The following TET3 variants were observed in gnomAD, a reference collection of about 807,000 sequenced individuals.
TET3 encodes methylcytosine dioxygenase TET3.
TET3 carries 19 observed loss-of-function variants against 141.4 expected under a neutral mutation model. The observed-to-expected ratio is 0.13, with a 90% CI of 0.09 to 0.20. The LOEUF (loss-of-function observed/expected upper bound fraction) is 0.20, where lower values mean the gene tolerates loss of function less well. Ranked by LOEUF, TET3 falls within the 10% of genes least tolerant of loss-of-function variation. The probability of loss-of-function intolerance (pLI) is 1.00; values close to 1 mark genes in which losing one functional copy is unlikely to be tolerated. For synonymous variants in TET3, 1,043 were observed against 980.9 expected, an observed-to-expected ratio of 1.06 and a Z score of -1.18; for missense variants, 1,874 against 2,356.9, an observed-to-expected ratio of 0.80 and a Z score of 4.24.
intron 4 of TET3, among the ~76,000 whole-genome samples, chr2:74,071,867 C>T (rs34201525): frequency 6.6e-6 from 1 of 152,060 alleles, no homozygotes; most frequent in African/African-American, 2.4e-5. Flanking sequence ...TTTTCTTTCA[C>T]TTAGAAAAAC....
intron 10 of TET3, among the ~76,000 whole-genome samples, chr2:74,094,487 G>A (rs1243614590): frequency 6.6e-6 from 1 of 152,176 alleles, no homozygotes; most frequent in African/African-American, 2.4e-5. Context: ...CTTCTCAGCT[G>A]GGCAGCAGTA....
chr2:74,112,785 G>A (rs912508739), downstream of TET3, among the ~76,000 whole-genome samples: 5 of 151,894 alleles, frequency 3.3e-5, no homozygotes, highest in African/African-American at 1.2e-4. Context: ...GATGGATCAT[G>A]AGGTCAGAAG....
chr2:74,003,075 G>T (rs946621126), intron 2 of TET3, 35 bp from the exon 3 acceptor site: 3 of 1,550,326 alleles, frequency 1.9e-6, no homozygotes, highest in Non-Finnish European at 2.6e-6. Flanking sequence ...CCTGGTACCC[G>T]CCTGGCTCAC....
intron 3 of TET3, among the ~76,000 whole-genome samples, chr2:74,024,943 C>T (rs568157734): frequency 9.9e-5 from 15 of 152,092 alleles, no homozygotes; most frequent in South Asian, 4.2e-4. Context: ...GCAGGCCAGG[C>T]GCCGTGGTGG....
intron 4 of TET3, among the ~76,000 whole-genome samples, chr2:74,072,914 T>A (rs1173158091): frequency 6.6e-6 from 1 of 152,270 alleles, no homozygotes; most frequent in African/African-American, 2.4e-5. Context: ...TGTAATAGCA[T>A]GTATCAAAAC....
At chr2:74,015,805 C>T (rs779897412) in intron 3 of TET3, among the ~76,000 whole-genome samples, 1 of 152,058 alleles carries the variant, frequency 6.6e-6, no homozygotes, top group Non-Finnish European at 1.5e-5. Flanking sequence ...TAATATCTAT[C>T]AAATTTACCT....
intron 6 of TET3, among the ~76,000 whole-genome samples, chr2:74,086,886 C>T (rs372716884): frequency 1.3e-5 from 2 of 151,602 alleles, no homozygotes; most frequent in African/African-American, 2.4e-5. Context: ...AGTACATTCA[C>T]GTTGTTGTAC....
At chr2:73,990,589 A>G (rs768607503) in intron 2 of TET3, among the ~76,000 whole-genome samples, 1 of 152,214 alleles carries the variant, frequency 6.6e-6, no homozygotes, top group East Asian at 1.9e-4. Context: ...AAAAAAATGC[A>G]TAGAAAAATG....
chr2:74,123,598 G>A, the TET3 span, among the ~76,000 whole-genome samples: 4 of 152,172 alleles, frequency 2.6e-5, no homozygotes, highest in South Asian at 2.1e-4. Flanking sequence ...GCGTGATCTC[G>A]GCTCGCTACA....
At chr2:74,062,553 T>C (rs1688652971) in intron 4 of TET3, among the ~76,000 whole-genome samples, 1 of 152,212 alleles carries the variant, frequency 6.6e-6, no homozygotes, top group South Asian at 2.1e-4. Flanking sequence ...GGAGAAATTA[T>C]AGAGGTGCTA....
chr2:74,006,475 G>A (rs988082391), intron 3 of TET3, among the ~76,000 whole-genome samples: 7 of 152,218 alleles, frequency 4.6e-5, no homozygotes, highest in African/African-American at 1.4e-4. Flanking sequence ...GAGCCCTCCT[G>A]TCCACAGTGG....
chr2:74,110,925 T>C (rs1470264747), downstream of TET3, among the ~76,000 whole-genome samples: 7 of 152,182 alleles, frequency 4.6e-5, no homozygotes, highest in African/African-American at 9.7e-5. Flanking sequence ...CTGTGCCTCA[T>C]AGACCTTTCC....
chr2:74,106,413 A>G lies in TET3; in HGVS notation c.*4237A>G, dbSNP rs1353741152. ...GATAGGCATTCTCATAGCCAGGGAC[A>G]GATTTTCTCCTGCAGCCCAGGGTGC... On this transcript the variant is annotated 3_prime_UTR_variant, in exon 12 of 12. Transcript: ENST00000409262. The G allele has an allele frequency of 6.5e-6, 1 of 153,744 alleles. No individual in the cohort carries two copies. The highest frequency in any genetic ancestry group is 1.9e-4 in the East Asian group (1 of 5,192). The allele number at this position is 153,744 out of a possible 1,614,324, so 9.5% of individuals were successfully genotyped here. A position where few individuals can be genotyped will look rare whatever the true frequency, so the allele number is the denominator to read the frequency against.
At chr2:74,119,352 CA>C in the TET3 span, among the ~76,000 whole-genome samples, 40,671 of 107,474 alleles carry the variant, frequency 0.38, 7,353 homozygotes, top group African/African-American at 0.59. Context: ...GACTCTATCT[CA>C]AAAAAAAAAA....
intron 3 of TET3, among the ~76,000 whole-genome samples, chr2:74,042,099 G>A (rs1224664263): frequency 6.6e-6 from 1 of 152,190 alleles, no homozygotes; most frequent in Non-Finnish European, 1.5e-5. Flanking sequence ...CCTTCTCCCA[G>A]TTGATACACC....
At chr2:74,113,139 C>T (rs1390133097), downstream of TET3, among the ~76,000 whole-genome samples, 1 of 151,862 alleles carries the variant, frequency 6.6e-6, no homozygotes, top group Admixed American at 6.6e-5. Flanking sequence ...ACCTATAATC[C>T]CAGCACTTTG....
At chr2:74,045,064 C>T (rs540326715) in intron 3 of TET3, among the ~76,000 whole-genome samples, 4 of 152,322 alleles carry the variant, frequency 2.6e-5, no homozygotes, top group South Asian at 2.1e-4. Flanking sequence ...CTTTCTAGAA[C>T]GCCCTTCAAT....
chr2:74,110,473 A>G (rs1691674714), downstream of TET3, among the ~76,000 whole-genome samples: 1 of 152,130 alleles, frequency 6.6e-6, no homozygotes, highest in South Asian at 2.1e-4. Context: ...TGTCCATGGG[A>G]TGGTGCATCC....
At chr2:74,086,110 C>T (rs369810222) in intron 6 of TET3, among the ~76,000 whole-genome samples, 203 of 152,332 alleles carry the variant, frequency 1.3e-3, no homozygotes, top group Non-Finnish European at 5.7e-4. Context: ...GTGGAGTTCC[C>T]GCCTCAAGGC....
Sources: allele counts gnomAD v4.1 joint callset (sites outside exome capture counted in the v4.1 genomes callset), GRCh38; gene constraint gnomAD v4.1.1; transcripts MANE v1.5; gene names NCBI Gene and HGNC (gene_info 2026-07-23, HGNC 2026-07-21).